NRG3: variants seen among roughly 807,000 people sequenced by gnomAD.
NRG3 encodes pro-neuregulin-3, membrane-bound isoform.
A neutral mutation model predicts 66.9 loss-of-function variants in NRG3; 31 were observed. The observed-to-expected ratio is 0.46, with a 90% CI of 0.35 to 0.63. The LOEUF is 0.63. Ranked by LOEUF, NRG3 falls within the 20% of genes least tolerant of loss-of-function variation. The probability of loss-of-function intolerance (pLI) is 0.00; values close to 1 mark genes in which losing one functional copy is unlikely to be tolerated. For synonymous variants in NRG3, 393 were observed against 359.4 expected, an observed-to-expected ratio of 1.09 and a Z score of -1.06; for missense variants, 910 against 878.9, an observed-to-expected ratio of 1.04 and a Z score of -0.45.
chr10:82,921,297 G>T (rs1448340367), intron 4 of NRG3, among the ~76,000 whole-genome samples: 1 of 152,112 alleles, frequency 6.6e-6, no homozygotes, highest in Admixed American at 6.6e-5. Flanking sequence ...AAGTGTCAAG[G>T]TGATTAAAAA....
At position 82,693,953 on chromosome 10, in the gene NRG3, C is replaced by T. The variant is rs112975534; in HGVS notation, c.954-44624C>T. On this transcript the variant is annotated intron_variant, in intron 2 of 8. Coordinates refer to ENST00000372141, the MANE Select transcript of NRG3 (RefSeq NM_001010848.4). Reference sequence around the variant, plus strand: ...TTCTCTTATTTGGCCCCGCCCATGTCCTGCTGATTTGTCCATTTTACAGAG... The same window carrying T: ...TTCTCTTATTTGGCCCCGCCCATGTTCTGCTGATTTGTCCATTTTACAGAG... Among the ~76,000 whole-genome samples the T allele has an allele frequency of 4.6e-5, 7 of 152,284 alleles. 1 individual carries two copies. Among genetic ancestry groups the T allele is most frequent in the African/African-American group, 1.7e-4 (7 of 41,564 alleles).
intron 4 of NRG3, 98 bp downstream of exon 4, chr10:82,865,535 C>T (rs1417882115): frequency 1.8e-5 from 23 of 1,246,534 alleles, no homozygotes; most frequent in Non-Finnish European, 2.6e-5. Context: ...ATTGAAATGT[C>T]TCATTATCAG....
chr10:82,313,378 TA>T (rs1291234504), intron 1 of NRG3, among the ~76,000 whole-genome samples: 18 of 151,920 alleles, frequency 1.2e-4, no homozygotes, highest in Admixed American at 9.2e-4. Context: ...ATAAATAAAA[TA>T]AAAATAAATA....
At position 81,919,790 on chromosome 10, in the gene NRG3, C is replaced by G. The variant is rs193111455; in HGVS notation, c.823+43627C>G. Among the ~76,000 whole-genome samples the G allele has an allele frequency of 1.2e-3, 176 of 152,126 alleles. 1 individual carries two copies. Among genetic ancestry groups the G allele is most frequent in the Middle Eastern group, 0.01 (3 of 294 alleles). On this transcript the variant is annotated intron_variant, in intron 1 of 8. Coordinates refer to ENST00000372141, the MANE Select transcript of NRG3 (RefSeq NM_001010848.4). The stretch of plus-strand genomic sequence containing the variant: ...CACCCATGAATGTCCAGAGGTATCA[C>G]CTCAGAAGTTGGTCTGAGGGGCAAT...
At chr10:82,406,264 G>A (rs2087514001) in intron 2 of NRG3, among the ~76,000 whole-genome samples, 1 of 152,086 alleles carries the variant, frequency 6.6e-6, no homozygotes, top group African/African-American at 2.4e-5. Context: ...ATTGTTCGTG[G>A]GACATAACTA....
At chr10:82,626,454 G>A (rs2049429838) in intron 2 of NRG3, among the ~76,000 whole-genome samples, 1 of 152,082 alleles carries the variant, frequency 6.6e-6, no homozygotes, top group Admixed American at 6.6e-5. Context: ...AGGATCTGAA[G>A]TTCTGAAATC....
chr10:82,173,344 C>CTACTGTCTACTACTTG, intron 1 of NRG3, among the ~76,000 whole-genome samples: 1 of 151,916 alleles, frequency 6.6e-6, no homozygotes, highest in East Asian at 1.9e-4. Context: ...CCAACTGGTA[C>CTACTGTCTACTACTTG]ACTACTGTCA....
At position 82,945,274 on chromosome 10, in the gene NRG3, A is replaced by G. The variant is rs1017494442; in HGVS notation, c.1055-6195A>G. On this transcript the variant is annotated intron_variant, in intron 4 of 8. Transcript: ENST00000372141. ...AGAGATAAACAATCAGAATACCTACATATCAGTTGATCATGCTGCTCATCC... is the reference window on the plus strand; with the variant it reads ...AGAGATAAACAATCAGAATACCTACGTATCAGTTGATCATGCTGCTCATCC... Among the ~76,000 whole-genome samples the G allele has an allele frequency of 8.5e-5, 13 of 152,324 alleles. No homozygotes were observed. The South Asian group carries it at 2.5e-3, about 29-fold the overall frequency.
chr10:81,974,260 G>A (rs919542317), intron 1 of NRG3, among the ~76,000 whole-genome samples: 6 of 151,998 alleles, frequency 3.9e-5, no homozygotes, highest in African/African-American at 1.5e-4. Context: ...CTGCTCCATT[G>A]ATCTATGTGT....
chr10:82,865,739 A>T (rs981778903), intron 4 of NRG3, among the ~76,000 whole-genome samples: 2 of 152,156 alleles, frequency 1.3e-5, no homozygotes, highest in East Asian at 3.8e-4. Flanking sequence ...AATAGGGATA[A>T]TAATAGGTTC....
At chr10:82,938,299 T>C (rs537409203) in intron 4 of NRG3, among the ~76,000 whole-genome samples, 4 of 152,232 alleles carry the variant, frequency 2.6e-5, no homozygotes, top group Non-Finnish European at 5.9e-5. Context: ...TTCCTAGTGC[T>C]GGAAATTCAG....
intron 3 of NRG3, among the ~76,000 whole-genome samples, chr10:82,801,975 G>A (rs747710162): frequency 2.6e-5 from 4 of 152,108 alleles, no homozygotes; most frequent in Non-Finnish European, 5.9e-5. Flanking sequence ...TTTCATTTTA[G>A]GAATGAGAGG....
In NRG3 at chr10:82,255,052, C is replaced by T. The variant is rs12258184; in HGVS notation, c.824-103687C>T. On this transcript the variant is annotated intron_variant, in intron 1 of 8. Transcript: ENST00000372141. ...AAATCTGACAAACACTACCCCAGCC[C>T]GGTAATCAAGGTCAATACTCACAAT... 7.8e-3 allele frequency among the ~76,000 whole-genome samples: 1,186 copies of T among 152,216 alleles called. 15 individuals carry two copies. The highest frequency in any genetic ancestry group is 0.026 in the African/African-American group (1,073 of 41,538).
chr10:82,278,340 G>A (rs1472722419), intron 1 of NRG3, among the ~76,000 whole-genome samples: 1 of 152,012 alleles, frequency 6.6e-6, no homozygotes, highest in African/African-American at 2.4e-5. Context: ...ATCTTGCTGA[G>A]GAATTCTTTG....
At chr10:82,273,218 T>A (rs2078687923) in intron 1 of NRG3, among the ~76,000 whole-genome samples, 1 of 152,050 alleles carries the variant, frequency 6.6e-6, no homozygotes, top group South Asian at 2.1e-4. Flanking sequence ...GACCTCCTGA[T>A]CTTCACCTGT....
chr10:82,083,954 G>A (rs905758027), intron 1 of NRG3, among the ~76,000 whole-genome samples: 1 of 151,814 alleles, frequency 6.6e-6, no homozygotes, highest in African/African-American at 2.4e-5. Context: ...ATGGCTGGGT[G>A]TGGTGGCTCA....
At chr10:82,801,016 G>A in intron 3 of NRG3, among the ~76,000 whole-genome samples, 1 of 152,170 alleles carries the variant, frequency 6.6e-6, no homozygotes, top group East Asian at 1.9e-4. Context: ...CAAAGGCAAG[G>A]TTATGAAAGT....
intron 2 of NRG3, among the ~76,000 whole-genome samples, chr10:82,713,912 A>AT (rs1485683543): frequency 6.6e-6 from 1 of 151,818 alleles, no homozygotes; most frequent in East Asian, 1.9e-4. Flanking sequence ...AACTCTCATC[A>AT]TTTTTTCCTG....
intron 2 of NRG3, among the ~76,000 whole-genome samples, chr10:82,657,904 G>A (rs535090875): frequency 1.4e-4 from 21 of 144,972 alleles, no homozygotes; most frequent in Non-Finnish European, 1.8e-4. Flanking sequence ...CACATACACA[G>A]AAAAAAAAAA....
Sources: allele counts gnomAD v4.1 joint callset (sites outside exome capture counted in the v4.1 genomes callset), GRCh38; gene constraint gnomAD v4.1.1; transcripts MANE v1.5; gene names NCBI Gene and HGNC (gene_info 2026-07-23, HGNC 2026-07-21).